Variants in LRRC4C observed in about 807,000 individuals in gnomAD.
LRRC4C encodes leucine-rich repeat-containing protein 4C.
In LRRC4C, 5 loss-of-function variants were observed where a neutral mutation model predicts 33.6. The observed-to-expected ratio is 0.15, with a 90% CI of 0.08 to 0.31. The LOEUF is 0.31. LRRC4C is among the 10% of genes least tolerant of loss of function. The pLI, the probability that LRRC4C is intolerant of heterozygous loss-of-function variation, is 1.00. For synonymous variants in LRRC4C, 329 were observed against 302.0 expected (o/e 1.09, Z -0.93); for missense variants, 560 against 796.7 (o/e 0.70, Z 3.58).
chr11:41,192,118 G>A (rs2136215740), intron 1 of LRRC4C, among the ~76,000 whole-genome samples: 1 of 152,122 alleles, frequency 6.6e-6, no homozygotes, highest in East Asian at 1.9e-4. Flanking sequence ...AGTGTCTTCT[G>A]TGGCTATTAA....
At chr11:40,379,146 G>T (rs1022775842) in intron 3 of LRRC4C, among the ~76,000 whole-genome samples, 1 of 152,136 alleles carries the variant, frequency 6.6e-6, no homozygotes, top group African/African-American at 2.4e-5. Flanking sequence ...ATGTTTGGAG[G>T]TGTATATGGA....
intron 6 of LRRC4C, among the ~76,000 whole-genome samples, chr11:40,138,352 A>C (rs992055444): frequency 1.3e-5 from 2 of 152,060 alleles, no homozygotes; most frequent in African/African-American, 4.8e-5. Flanking sequence ...AAAATTTTTT[A>C]TAGAGATGGG....
chr11:40,615,038 A>G (rs1005900072), intron 3 of LRRC4C, among the ~76,000 whole-genome samples: 1 of 150,294 alleles, frequency 6.7e-6, no homozygotes, highest in South Asian at 2.1e-4. Flanking sequence ...AGTGGTGCCA[A>G]TAGACTTGCC....
At chr11:40,339,522 T>C (rs1457953495) in intron 3 of LRRC4C, among the ~76,000 whole-genome samples, 1 of 152,210 alleles carries the variant, frequency 6.6e-6, no homozygotes, top group African/African-American at 2.4e-5. Context: ...TACTGCATTG[T>C]TCTCTTTTCT....
At chr11:40,379,364 AT>A (rs1948777804) in intron 3 of LRRC4C, among the ~76,000 whole-genome samples, 1 of 152,152 alleles carries the variant, frequency 6.6e-6, no homozygotes. Flanking sequence ...TTTAAACCCA[AT>A]TATTTCTATA....
chr11:40,608,374 C>T (rs55873453), intron 3 of LRRC4C, among the ~76,000 whole-genome samples: 1 of 151,488 alleles, frequency 6.6e-6, no homozygotes, highest in South Asian at 2.1e-4. Context: ...AAGAAAATAG[C>T]TATAGAAGAC....
chr11:41,239,321 CAAAAAAA>C (rs56018613), intron 1 of LRRC4C, among the ~76,000 whole-genome samples: 3 of 55,166 alleles, frequency 5.4e-5, no homozygotes, highest in Non-Finnish European at 6.1e-5. Context: ...GACTCTGTCT[CAAAAAAA>C]AAAAAAAAAA....
rs556657749 is a variant in LRRC4C, at chr11:40,257,945, C to T, written c.-175-16347G>A. On this transcript the variant is annotated intron_variant, in intron 4 of 6. Coordinates refer to ENST00000528697, the MANE Select transcript of LRRC4C (RefSeq NM_001258419.2). ...TAAAAGGCAGTATAGATAACTATTG[C>T]TAACGGCTATAACAGGTCCCGGGTA... Among the ~76,000 whole-genome samples the T allele has an allele frequency of 2.0e-5, 3 of 152,284 alleles. No individual in the cohort carries two copies. The South Asian group carries it at 6.2e-4, about 32-fold the overall frequency.
chr11:40,283,693 CTTTTTTTTTTTTTTT>C (rs5791366), intron 4 of LRRC4C, among the ~76,000 whole-genome samples: 7 of 59,300 alleles, frequency 1.2e-4, no homozygotes, highest in Non-Finnish European at 2.0e-4. Context: ...GGTCCATATT[CTTTTTTTTTTTTTTT>C]TTTTTTTTTT....
intron 1 of LRRC4C, among the ~76,000 whole-genome samples, chr11:41,155,153 T>C (rs1055834241): frequency 2.6e-5 from 4 of 152,124 alleles, no homozygotes; most frequent in African/African-American, 9.7e-5. Context: ...TCCTGGAGAT[T>C]TAGTTTCTAC....
chr11:40,665,964 T>G (rs1429786717), intron 2 of LRRC4C, among the ~76,000 whole-genome samples: 3 of 151,994 alleles, frequency 2.0e-5, no homozygotes, highest in Admixed American at 2.0e-4. Context: ...GTATATATAT[T>G]TGTGTGTGTG....
chr11:40,718,888 A>G (rs1210543412), intron 2 of LRRC4C, among the ~76,000 whole-genome samples: 1 of 152,048 alleles, frequency 6.6e-6, no homozygotes, highest in East Asian at 1.9e-4. Flanking sequence ...CCTCTCATTT[A>G]TTTTCTTTTC....
chr11:40,966,045 T>G (rs1055548728), intron 1 of LRRC4C, among the ~76,000 whole-genome samples: 1 of 152,042 alleles, frequency 6.6e-6, no homozygotes, highest in African/African-American at 2.4e-5. Context: ...TTTATTTAAT[T>G]GAGCAGTGGT....
chr11:40,799,112 C>T (rs2135256651), intron 2 of LRRC4C, among the ~76,000 whole-genome samples: 1 of 152,154 alleles, frequency 6.6e-6, no homozygotes, highest in East Asian at 1.9e-4. Context: ...ATAAGCTTTC[C>T]TCAGTGTTTT....
intron 1 of LRRC4C, among the ~76,000 whole-genome samples, chr11:41,217,775 G>T (rs1024140196): frequency 1.3e-5 from 2 of 152,058 alleles, no homozygotes; most frequent in African/African-American, 4.8e-5. Context: ...ATATGTTAAA[G>T]ACCCTGACTT....
chr11:41,174,118 G>GA (rs34454833), intron 1 of LRRC4C, among the ~76,000 whole-genome samples: 8 of 150,054 alleles, frequency 5.3e-5, no homozygotes, highest in South Asian at 2.1e-4. Context: ...CTAGGCACAG[G>GA]AAAAAAAAAT....
intron 2 of LRRC4C, among the ~76,000 whole-genome samples, chr11:40,854,720 A>C (rs1953691939): frequency 6.6e-6 from 1 of 150,952 alleles, no homozygotes; most frequent in Admixed American, 6.6e-5. Flanking sequence ...AGTGTATATT[A>C]ATATATATAT....
intron 1 of LRRC4C, among the ~76,000 whole-genome samples, chr11:41,248,092 C>G (rs1348428554): frequency 5.9e-5 from 9 of 152,094 alleles, no homozygotes. Flanking sequence ...AGTCAAGAAC[C>G]CAGCAGATTC....
rs148754891 is a variant in LRRC4C at position 41,064,382 on chromosome 11, A to G, written c.-495-130659T>C. On this transcript the variant is annotated intron_variant, in intron 1 of 6. Transcript: ENST00000528697. The stretch of plus-strand genomic sequence containing the variant: ...AACATGTGTCTTTCAGATGTAAAGT[A>G]GCCCATTTGTGTTTGACAAATAGGA... Among the ~76,000 whole-genome samples the G allele has an allele frequency of 1.8e-3, 272 of 152,346 alleles. 1 individual carries two copies. The highest frequency in any genetic ancestry group is 6.2e-3 in the African/African-American group (256 of 41,580).
Sources: allele counts gnomAD v4.1 joint callset (sites outside exome capture counted in the v4.1 genomes callset), GRCh38; gene constraint gnomAD v4.1.1; transcripts MANE v1.5; gene names NCBI Gene and HGNC (gene_info 2026-07-23, HGNC 2026-07-21).